The following CORO2B variants were observed in gnomAD, a reference collection of about 807,000 sequenced individuals.
CORO2B encodes the protein coronin 2B, also known as coronin-2B.
Under a neutral mutation model 58.8 loss-of-function variants are expected in CORO2B, and 26 were observed. The observed-to-expected ratio is 0.44, with a 90% CI of 0.32 to 0.61. CORO2B has a LOEUF of 0.61. Among genes scored for constraint, CORO2B ranks in the 20% least tolerant of loss-of-function variants. CORO2B has a pLI of 0.04. For synonymous variants in CORO2B, 242 were observed against 253.8 expected, an observed-to-expected ratio of 0.95 and a Z score of 0.44; for missense variants, 460 against 645.1, an observed-to-expected ratio of 0.71 and a Z score of 3.11.
the CORO2B span, among the ~76,000 whole-genome samples, chr15:68,558,428 C>T: frequency 3.2e-4 from 49 of 151,994 alleles, no homozygotes; most frequent in Non-Finnish European, 6.2e-4. Context: ...AGTGCAGTGG[C>T]ACAATCACAG....
intron 3 of CORO2B, among the ~76,000 whole-genome samples, chr15:68,703,922 G>A (rs984670086): frequency 7.2e-5 from 11 of 152,008 alleles, no homozygotes; most frequent in Admixed American, 6.6e-4. Context: ...GGCCAGGCTC[G>A]GTGGCTCATG....
At chr15:68,610,863 C>G (rs145859765) in intron 1 of CORO2B, among the ~76,000 whole-genome samples, 74 of 152,332 alleles carry the variant, frequency 4.9e-4, no homozygotes, top group Middle Eastern at 3.4e-3. Context: ...TGTCCCTTGA[C>G]TCCCACTCAC....
At chr15:68,548,904 T>C in the CORO2B span, among the ~76,000 whole-genome samples, 7 of 152,080 alleles carry the variant, frequency 4.6e-5, no homozygotes, top group African/African-American at 1.7e-4. Context: ...TTCTTATCGA[T>C]TGACAGGAGT....
At chr15:68,641,628 A>G (rs767371780) in intron 1 of CORO2B, 2 of 983,080 alleles carry the variant, frequency 2.0e-6, no homozygotes, top group African/African-American at 1.7e-5. Flanking sequence ...AGGAGAGCCT[A>G]TCAGGTCAGC....
In CORO2B at chr15:68,714,589, G is replaced by GA. The variant is rs1465534100; in HGVS notation, c.799dup (p.Ile267AsnfsTer2). The GA allele has an allele frequency of 6.2e-7, 1 of 1,614,140 alleles. No homozygotes were observed. Among genetic ancestry groups the GA allele is most frequent in the Non-Finnish European group, 8.5e-7 (1 of 1,180,010 alleles). On this transcript the variant is annotated frameshift_variant, in exon 7 of 12. Transcript: ENST00000261861. LOFTEE classifies it high-confidence loss of function. The stretch of plus-strand genomic sequence containing the variant: ...CCTCTCCATGCCCCTGATCGAAGAG[G>GA]AAATTGATGGGCTCTCTGGCCTCCT...
the CORO2B span, among the ~76,000 whole-genome samples, chr15:68,568,854 G>A: frequency 6.6e-6 from 1 of 152,286 alleles, no homozygotes. Flanking sequence ...AGAGCATCAG[G>A]AAGACTAGCT....
the CORO2B span, among the ~76,000 whole-genome samples, chr15:68,567,601 G>C: frequency 6.6e-6 from 1 of 152,230 alleles, no homozygotes; most frequent in South Asian, 2.1e-4. Flanking sequence ...TGCAGGAAGA[G>C]ACAGGTCAGC....
the CORO2B span, among the ~76,000 whole-genome samples, chr15:68,531,109 C>A: frequency 6.6e-6 from 1 of 152,132 alleles, no homozygotes; most frequent in Non-Finnish European, 1.5e-5. Context: ...ATGACCCTTA[C>A]AACACTATAC....
At chr15:68,541,622 A>C in the CORO2B span, among the ~76,000 whole-genome samples, 1 of 152,216 alleles carries the variant, frequency 6.6e-6, no homozygotes, top group Non-Finnish European at 1.5e-5. Flanking sequence ...CCCAGCTACT[A>C]AAACAAGATC....
intron 1 of CORO2B, among the ~76,000 whole-genome samples, 194 bp downstream of exon 1, chr15:68,579,471 G>T (rs566814634): frequency 6.6e-6 from 1 of 151,932 alleles, no homozygotes; most frequent in Non-Finnish European, 1.5e-5. Context: ...GGGGGAGGAT[G>T]CCGCTCTGGC....
At chr15:68,596,480 C>A (rs960658155) in intron 1 of CORO2B, among the ~76,000 whole-genome samples, 1 of 152,094 alleles carries the variant, frequency 6.6e-6, no homozygotes, top group Admixed American at 6.5e-5. Flanking sequence ...CCAGCAGGAG[C>A]CTGCCTGCCA....
At position 68,718,787 on chromosome 15, in the gene CORO2B, A is replaced by G; in HGVS notation, c.1057A>G (p.Ile353Val). ...LVTLKGLIEP[I>V]SMIVPRRSDS... is the part of the protein sequence containing the mutation. ...GACTCTCAAGGGCCTGATCGAGCCC[A>G]TCTCCATGATCGTGCCCCGGAGGGT... Residue 353 changes from isoleucine (I) to valine (V), a missense_variant, in exon 9 of 12, where the codon ATC becomes GTC. Ile to Val is a conservative substitution (Grantham distance 29). Coordinates refer to ENST00000261861, the MANE Select transcript of CORO2B (RefSeq NM_006091.5). The G allele has an allele frequency of 6.2e-7, 1 of 1,614,100 alleles. No individual in the cohort carries two copies. The highest frequency in any genetic ancestry group is 8.5e-7 in the Non-Finnish European group (1 of 1,179,966).
upstream of CORO2B, among the ~76,000 whole-genome samples, chr15:68,576,594 T>C (rs1476001989): frequency 6.6e-6 from 1 of 152,070 alleles, no homozygotes; most frequent in East Asian, 1.9e-4. Context: ...GGGTGACTGG[T>C]GTCCTTGAGT....
intron 3 of CORO2B, among the ~76,000 whole-genome samples, chr15:68,697,471 T>G (rs1378528082): frequency 3.3e-5 from 5 of 152,084 alleles, no homozygotes; most frequent in Non-Finnish European, 7.4e-5. Flanking sequence ...GTTCACACGC[T>G]GGGGGTGAGG....
chr15:68,526,838 G>A, the CORO2B span, among the ~76,000 whole-genome samples: 17 of 152,220 alleles, frequency 1.1e-4, no homozygotes, highest in African/African-American at 3.1e-4. Context: ...TTCTGTTTTC[G>A]ACAGAATCAT....
At chr15:68,536,596 G>A in the CORO2B span, among the ~76,000 whole-genome samples, 35 of 152,270 alleles carry the variant, frequency 2.3e-4, no homozygotes, top group East Asian at 6.7e-3. Context: ...GTGTGATTGT[G>A]ATACTTTGGT....
chr15:68,694,315 C>A (rs1892458082), intron 2 of CORO2B, among the ~76,000 whole-genome samples: 1 of 152,184 alleles, frequency 6.6e-6, no homozygotes. Context: ...CTTTGCTAAG[C>A]ATATTAGCTC....
chr15:68,531,488 CTG>C, the CORO2B span, among the ~76,000 whole-genome samples: 1 of 137,140 alleles, frequency 7.3e-6, no homozygotes, highest in Non-Finnish European at 1.5e-5. Flanking sequence ...AAGAGGGAAA[CTG>C]TATCTCAAAA....
chr15:68,623,848 C>G (rs547792760), intron 1 of CORO2B, among the ~76,000 whole-genome samples: 5 of 152,160 alleles, frequency 3.3e-5, no homozygotes, highest in Admixed American at 1.3e-4. Context: ...CCTCCATTGT[C>G]GACACCACGG....
Sources: allele counts gnomAD v4.1 joint callset (sites outside exome capture counted in the v4.1 genomes callset), GRCh38; gene constraint gnomAD v4.1.1; transcripts MANE v1.5; gene names NCBI Gene and HGNC (gene_info 2026-07-23, HGNC 2026-07-21).